The following RNF43 variants were observed in gnomAD, a reference collection of about 807,000 sequenced individuals.
RNF43 encodes ring finger protein 43, also known as E3 ubiquitin-protein ligase RNF43.
Under a neutral mutation model 78.4 loss-of-function variants are expected in RNF43, and 37 were observed. The observed-to-expected ratio is 0.47, with a 90% CI of 0.36 to 0.62. RNF43 has a LOEUF of 0.62. RNF43 is among the 20% of genes least tolerant of loss of function. RNF43 has a pLI of 0.00. For synonymous variants in RNF43, 347 were observed against 395.0 expected, an observed-to-expected ratio of 0.88 and a Z score of 1.44; for missense variants, 774 against 1,007.9, an observed-to-expected ratio of 0.77 and a Z score of 3.14.
intron 2 of RNF43, among the ~76,000 whole-genome samples, chr17:58,391,409 T>C (rs190355065): frequency 2.0e-5 from 3 of 152,314 alleles, no homozygotes; most frequent in Admixed American, 2.0e-4. Flanking sequence ...AACGATTTAG[T>C]TATTGCTCCA....
Position 58,354,678 on chromosome 17 carries a change from C to T in RNF43, c.*265G>A, listed in dbSNP as rs149394482. Reference sequence around the variant, plus strand: ...GCCTTCAAGGGATCCAGCCCACACACGCCACAGGCAGCAGCTGGTTGCCTG... The same window carrying T: ...GCCTTCAAGGGATCCAGCCCACACATGCCACAGGCAGCAGCTGGTTGCCTG... On this transcript the variant is annotated 3_prime_UTR_variant, in exon 10 of 10. Coordinates refer to ENST00000407977, the MANE Select transcript of RNF43 (RefSeq NM_017763.6). 368 of 528,986 alleles carry T rather than the reference C, an allele frequency of 7.0e-4. 1 individual carries two copies. Among genetic ancestry groups the T allele is most frequent in the African/African-American group, 5.3e-3 (282 of 52,896 alleles). The allele number at this position is 528,986 out of a possible 1,614,324, so 32.8% of individuals were successfully genotyped here.
At chr17:58,404,749 A>C (rs997419654) in intron 2 of RNF43, among the ~76,000 whole-genome samples, 1 of 152,248 alleles carries the variant, frequency 6.6e-6, no homozygotes, top group African/African-American at 2.4e-5. Context: ...AAAAGGTCTT[A>C]GTATTTATTT....
At chr17:58,388,687 G>T (rs1259661503) in intron 2 of RNF43, among the ~76,000 whole-genome samples, 1 of 129,916 alleles carries the variant, frequency 7.7e-6, no homozygotes, top group Non-Finnish European at 1.6e-5. Context: ...AAGCCAATAG[G>T]TCCTACAGGA....
intron 6 of RNF43, 23 bp downstream of exon 6, chr17:58,362,521 G>A (rs748501873): frequency 1.4e-5 from 22 of 1,572,662 alleles, no homozygotes; most frequent in Middle Eastern, 1.7e-4. Context: ...GTTCACCGCC[G>A]CCAAAGACCC....
At chr17:58,397,208 G>C (rs1414783835) in intron 2 of RNF43, among the ~76,000 whole-genome samples, 1 of 152,074 alleles carries the variant, frequency 6.6e-6, no homozygotes, top group Non-Finnish European at 1.5e-5. Context: ...CATCAACTAG[G>C]ATTATGAAGA....
At chr17:58,369,303 A>G (rs1973029919) in intron 3 of RNF43, among the ~76,000 whole-genome samples, 1 of 152,182 alleles carries the variant, frequency 6.6e-6, no homozygotes, top group Admixed American at 6.5e-5. Context: ...CTCCAAGTGC[A>G]TCCTGACCCC....
Position 58,362,597 on chromosome 17 carries a change from T to C in RNF43, c.634A>G (p.Ile212Val). ...ATGCGCAGCACCGAAGCCAGGATGA[T>C]CACAAAGATGGTGCCCACCACTGTC... ...LMTVVGTIFV[I>V]ILASVLRIRC... The change falls in exon 6 of 10, where the codon ATC becomes GTC. Residue 212 changes from isoleucine (I) to valine (V), a missense_variant. Transcript: ENST00000407977. 6.2e-7 allele frequency: 1 copy of C among 1,611,762 alleles called. No individual in the cohort carries two copies. Among genetic ancestry groups the C allele is most frequent in the South Asian group, 1.1e-5 (1 of 90,728 alleles).
At position 58,358,571 on chromosome 17, in the gene RNF43, T is replaced by G. The variant is rs1972756466; in HGVS notation, c.1205A>C (p.Gln402Pro). The G allele has an allele frequency of 6.2e-7, 1 of 1,604,028 alleles. No individual in the cohort carries two copies. Among genetic ancestry groups the G allele is most frequent in the African/African-American group, 1.3e-5 (1 of 74,962 alleles). ...RAAHPRAPGE[Q>P]QRLAGAQHPY... ...GTGCTGGGCTCCTGCCAGGCGCTGC[T>G]GCTCTCCTGGAGCCCGGGGATGTGC... The change falls in exon 9 of 10, where the codon CAG becomes CCG. Residue 402 changes from glutamine (Q) to proline (P), a missense_variant. By Grantham distance (76) the Gln-to-Pro change is moderately conservative (BLOSUM62 -1). Coordinates refer to ENST00000407977, the MANE Select transcript of RNF43 (RefSeq NM_017763.6). The surrounding 1 kb of genome is among the most constrained non-coding windows in gnomAD (Gnocchi z 6.2).
Position 58,417,340 on chromosome 17 carries a change from C to T in RNF43, c.-709G>A, listed in dbSNP as rs1242226492. ...TTGCTAACAAAAGTTCTTTTTTTCTCCAAACAGCATATAAAATGATCAAGT... is the reference window on the plus strand; with the variant it reads ...TTGCTAACAAAAGTTCTTTTTTTCTTCAAACAGCATATAAAATGATCAAGT... On this transcript the variant is annotated 5_prime_UTR_variant, in exon 1 of 10. Transcript: ENST00000407977. 1 of 152,068 alleles carries T rather than the reference C, an allele frequency of 6.6e-6. No individual in the cohort carries two copies. Among genetic ancestry groups the T allele is most frequent in the African/African-American group, 2.4e-5 (1 of 41,398 alleles). 9.4% of individuals were successfully genotyped at this position (152,068 alleles called of 1,614,324 possible).
intron 2 of RNF43, among the ~76,000 whole-genome samples, chr17:58,383,298 CTT>C (rs1973361211): frequency 6.7e-6 from 1 of 150,052 alleles, no homozygotes; most frequent in African/African-American, 2.5e-5. Context: ...GTTTGTTTTT[CTT>C]TGTTTTTGAG....
intron 2 of RNF43, among the ~76,000 whole-genome samples, chr17:58,398,704 C>T (rs1157613850): frequency 2.0e-5 from 3 of 152,228 alleles, no homozygotes; most frequent in Non-Finnish European, 4.4e-5. Context: ...GTCCAATAGC[C>T]TCAATAAATG....
At chr17:58,371,420 C>T (rs1973094702) in intron 2 of RNF43, among the ~76,000 whole-genome samples, 1 of 152,234 alleles carries the variant, frequency 6.6e-6, no homozygotes, top group Admixed American at 6.5e-5. Flanking sequence ...CTCCCCAAGC[C>T]CCAGGCTAAG....
rs1974105082 is a variant in RNF43, at chr17:58,415,484, G to A, written c.94C>T (p.Leu32=). The change falls in exon 2 of 10, where the codon CTG becomes TTG. Residue 32 remains leucine, a synonymous_variant. Transcript: ENST00000407977. ...CTTTCAGACTCCACCGCTGCTGCCA[G>A]TACCAGTCCTGTGCGTCCAAAGCCT... The part of the protein sequence containing the change: ...QAGFGRTGLV[L]AAAVESERSA... 3.7e-6 allele frequency: 6 copies of A among 1,613,732 alleles called. No individual in the cohort carries two copies. Among genetic ancestry groups the A allele is most frequent in the Non-Finnish European group, 4.2e-6 (5 of 1,180,036 alleles).
At chr17:58,381,512 G>A (rs1248107525) in intron 2 of RNF43, among the ~76,000 whole-genome samples, 1 of 152,226 alleles carries the variant, frequency 6.6e-6, no homozygotes, top group Non-Finnish European at 1.5e-5. Flanking sequence ...CCCACCCACA[G>A]TGTAGCCTTC....
chr17:58,353,985 T>C lies in RNF43; in HGVS notation c.*958A>G, dbSNP rs1972628959. The C allele has an allele frequency of 5.3e-6, 1 of 187,598 alleles. No homozygotes were observed. The highest frequency in any genetic ancestry group is 6.2e-5 in the Admixed American group (1 of 16,186). The allele number at this position is 187,598 out of a possible 1,614,324, so 11.6% of individuals were successfully genotyped here. On this transcript the variant is annotated 3_prime_UTR_variant, in exon 10 of 10. Coordinates refer to ENST00000407977, the MANE Select transcript of RNF43 (RefSeq NM_017763.6). Reference sequence around the variant, plus strand: ...GTGCTCTAATCCACTCTCCTGTGGGTCCCTGGCCTGTATGGCTTATACTGG... The same window carrying C: ...GTGCTCTAATCCACTCTCCTGTGGGCCCCTGGCCTGTATGGCTTATACTGG...
Position 58,411,997 on chromosome 17 carries a change from T to C in RNF43, c.252+3329A>G, listed in dbSNP as rs550683963. 2.6e-5 allele frequency among the ~76,000 whole-genome samples: 4 copies of C among 152,320 alleles called. No homozygotes were observed. The South Asian group carries it at 8.3e-4, about 32-fold the overall frequency. ...AAACAGTAAGAAGTAATCACTATCA[T>C]TTAGTCCTTTTTATCAGTCACCGCC... is the stretch of plus-strand genomic sequence containing the variant. On this transcript the variant is annotated intron_variant, in intron 2 of 9. Transcript: ENST00000407977.
At chr17:58,353,607 G>A (rs1398837182), downstream of RNF43, 4 of 207,954 alleles carry the variant, frequency 1.9e-5, no homozygotes, top group African/African-American at 6.8e-5. Context: ...TTCTCTTGAT[G>A]TAGAAAGAGA....
chr17:58,356,723 T>C (rs1467744891), intron 9 of RNF43, among the ~76,000 whole-genome samples: 2 of 152,126 alleles, frequency 1.3e-5, no homozygotes, highest in African/African-American at 2.4e-5. Context: ...ATTATGGTTA[T>C]GTGTAATTAT....
chr17:58,366,167 C>T (rs1251398679), intron 3 of RNF43, among the ~76,000 whole-genome samples: 1 of 152,216 alleles, frequency 6.6e-6, no homozygotes, highest in African/African-American at 2.4e-5. Context: ...TATTCTAAAG[C>T]ACAAAGGAAT....
Sources: gnomAD v4.1 joint callset for allele counts (sites outside exome capture counted in the v4.1 genomes callset) on GRCh38, gnomAD v4.1.1 for gene constraint, Gnocchi (gnomAD v3.1) non-coding constraint, MANE v1.5 for transcripts, NCBI Gene and HGNC (gene_info 2026-07-23, HGNC 2026-07-21) for gene names.